HEMK2: variants seen among roughly 807,000 people sequenced by gnomAD.
HEMK2 encodes the protein HemK methyltransferase 2, ETF1 glutamine and histone H4 lysine.
At chr21:28,763,910 T>A in the HEMK2 span, among the ~76,000 whole-genome samples, 3 of 126,844 alleles carry the variant, frequency 2.4e-5, no homozygotes, top group African/African-American at 1.1e-4. Flanking sequence ...AGTTAATGTA[T>A]CCCTAGAAGC....
chr21:28,838,972 A>AAAAATATAT, the HEMK2 span, among the ~76,000 whole-genome samples: 14 of 29,136 alleles, frequency 4.8e-4, no homozygotes, highest in African/African-American at 2.0e-3. Flanking sequence ...AAAAAAAAAA[A>AAAAATATAT]ATATATATAT....
chr21:28,633,738 C>T, the HEMK2 span, among the ~76,000 whole-genome samples: 5 of 152,146 alleles, frequency 3.3e-5, no homozygotes, highest in Non-Finnish European at 7.4e-5. Flanking sequence ...GTTACAAATT[C>T]CCATTGTAAT....
chr21:28,732,678 A>G, the HEMK2 span, among the ~76,000 whole-genome samples: 1 of 152,346 alleles, frequency 6.6e-6, no homozygotes, highest in South Asian at 2.1e-4. Context: ...ACTTGTGTAA[A>G]TAATGTTTCC....
At chr21:28,831,550 GGAAAGAAGGAAA>G in the HEMK2 span, among the ~76,000 whole-genome samples, 9 of 66,108 alleles carry the variant, frequency 1.4e-4, no homozygotes, top group East Asian at 1.0e-3. Context: ...AAGGAAAGAA[GGAAAGAAGGAAA>G]GAAGGAAAGA....
the HEMK2 span, among the ~76,000 whole-genome samples, chr21:28,833,206 GA>G: frequency 6.6e-6 from 1 of 152,050 alleles, no homozygotes; most frequent in African/African-American, 2.4e-5. Context: ...TGATCAGAAA[GA>G]AACAAAGCCA....
the HEMK2 span, among the ~76,000 whole-genome samples, chr21:28,673,796 T>G: frequency 7.9e-6 from 1 of 125,948 alleles, no homozygotes; most frequent in Non-Finnish European, 1.7e-5. Context: ...GCTACATAAG[T>G]GAAAAATGCA....
At chr21:28,648,821 C>G in the HEMK2 span, among the ~76,000 whole-genome samples, 1 of 152,056 alleles carries the variant, frequency 6.6e-6, no homozygotes, top group South Asian at 2.1e-4. Flanking sequence ...TTTTAGGGTA[C>G]ATGTGCACAA....
the HEMK2 span, among the ~76,000 whole-genome samples, chr21:28,604,195 G>C: frequency 6.6e-6 from 1 of 152,148 alleles, no homozygotes; most frequent in Admixed American, 6.5e-5. Flanking sequence ...ATATAGAACT[G>C]GATTTTGTCT....
the HEMK2 span, among the ~76,000 whole-genome samples, chr21:28,665,488 A>T: frequency 2.0e-5 from 3 of 147,160 alleles, no homozygotes; most frequent in East Asian, 6.1e-4. Context: ...TGGGAGATAT[A>T]CCTAATGCTA....
chr21:28,591,771 A>G, the HEMK2 span, among the ~76,000 whole-genome samples: 1 of 152,068 alleles, frequency 6.6e-6, no homozygotes, highest in African/African-American at 2.4e-5. Context: ...CTCATCATCT[A>G]GCTCCTACTT....
chr21:28,690,662 T>C, the HEMK2 span, among the ~76,000 whole-genome samples: 1 of 152,128 alleles, frequency 6.6e-6, no homozygotes, highest in African/African-American at 2.4e-5. Flanking sequence ...AGCCACCTCT[T>C]TCTCCACAAA....
the HEMK2 span, among the ~76,000 whole-genome samples, chr21:28,854,105 T>C: frequency 6.6e-6 from 1 of 152,216 alleles, no homozygotes; most frequent in African/African-American, 2.4e-5. Context: ...GAGTTCATTA[T>C]ATATTTTCAT....
At chr21:28,708,809 A>T in the HEMK2 span, among the ~76,000 whole-genome samples, 2 of 152,256 alleles carry the variant, frequency 1.3e-5, no homozygotes, top group Non-Finnish European at 2.9e-5. Flanking sequence ...AAATCCAAGA[A>T]GATTAACTAA....
At chr21:28,586,441 C>A in the HEMK2 span, among the ~76,000 whole-genome samples, 17 of 152,206 alleles carry the variant, frequency 1.1e-4, no homozygotes, top group Non-Finnish European at 2.2e-4. Flanking sequence ...CTTCAGCTGT[C>A]TTCCAAAGAT....
the HEMK2 span, among the ~76,000 whole-genome samples, chr21:28,801,260 T>C: frequency 2.0e-5 from 3 of 152,218 alleles, no homozygotes; most frequent in Non-Finnish European, 4.4e-5. Flanking sequence ...AATAAATGGT[T>C]TGGAGACAAC....
At chr21:28,856,883 G>A in the HEMK2 span, among the ~76,000 whole-genome samples, 5 of 152,242 alleles carry the variant, frequency 3.3e-5, no homozygotes, top group Admixed American at 6.5e-5. Flanking sequence ...AGGCATGCAT[G>A]GAGACACAGG....
the HEMK2 span, chr21:28,882,184 G>C: frequency 3.7e-5 from 58 of 1,587,438 alleles, no homozygotes; most frequent in Non-Finnish European, 4.9e-5. Flanking sequence ...CTGGTTGAAT[G>C]TGAACTTTGT....
chr21:28,738,368 T>A, the HEMK2 span, among the ~76,000 whole-genome samples: 1 of 152,036 alleles, frequency 6.6e-6, no homozygotes, highest in Non-Finnish European at 1.5e-5. Context: ...TGGGAGAAGG[T>A]GTTGGCAACC....
At chr21:28,882,841 T>A in the HEMK2 span, 1 of 457,846 alleles carries the variant, frequency 2.2e-6, no homozygotes, top group Non-Finnish European at 3.8e-6. Flanking sequence ...ACATGAATAA[T>A]TTTTAGGGAA....
Sources: allele counts gnomAD v4.1 joint callset (sites outside exome capture counted in the v4.1 genomes callset), GRCh38; gene constraint gnomAD v4.1.1; transcripts MANE v1.5; gene names NCBI Gene and HGNC (gene_info 2026-07-23, HGNC 2026-07-21).